The following TNC variants were observed in gnomAD, a reference collection of about 807,000 sequenced individuals.
TNC encodes tenascin C.
In TNC, 109 loss-of-function variants were observed where a neutral mutation model predicts 202.4. The observed-to-expected ratio is 0.54, with a 90% CI of 0.46 to 0.63. TNC has a LOEUF of 0.63. Ranked by LOEUF, TNC falls within the 30% of genes least tolerant of loss-of-function variation. The pLI, the probability that TNC is intolerant of heterozygous loss-of-function variation, is 0.00. For synonymous variants in TNC, 1,007 were observed against 1,089.7 expected (o/e 0.92, Z 1.50); for missense variants, 2,756 against 2,833.3 (o/e 0.97, Z 0.62).
chr9:115,035,526 AT>A (rs949246424), intron 21 of TNC, 192 bp from the exon 22 acceptor site: 2 of 559,376 alleles, frequency 3.6e-6, no homozygotes, highest in Non-Finnish European at 6.1e-6. Context: ...TCTATGGTTT[AT>A]CTCATCCTAA....
In TNC at chr9:115,086,162, G is replaced by A. The variant is rs776360535; in HGVS notation, c.1569C>T (p.Thr523=). 2.8e-5 allele frequency: 45 copies of A among 1,613,856 alleles called. No individual in the cohort carries two copies. Among genetic ancestry groups the A allele is most frequent in the South Asian group, 1.1e-4 (10 of 91,086 alleles). The change falls in exon 3 of 28, where the codon ACC becomes ACT. Residue 523 remains threonine, a synonymous_variant. Coordinates refer to ENST00000350763, the MANE Select transcript of TNC (RefSeq NM_002160.4). ...AGGAGAGTTCTGCACAGTCAGGGCC[G>A]GTGAAGCCGTCCTCACAGACGCACT... The part of the protein sequence containing the change: ...DGQCVCEDGF[T]GPDCAELSCP...
intron 1 of TNC, among the ~76,000 whole-genome samples, chr9:115,098,155 A>G (rs1219403479): frequency 6.6e-6 from 1 of 152,176 alleles, no homozygotes; most frequent in East Asian, 1.9e-4. Flanking sequence ...TCTTATTTCA[A>G]TTGCCTTGGT....
At chr9:115,051,170 T>C (rs1831618520) in intron 15 of TNC, among the ~76,000 whole-genome samples, 1 of 152,130 alleles carries the variant, frequency 6.6e-6, no homozygotes, top group African/African-American at 2.4e-5. Context: ...ATTGAAGTTT[T>C]TGCTGCCACC....
At position 115,048,398 on chromosome 9, in the gene TNC, G is replaced by A. The variant is rs745522825; in HGVS notation, c.4714C>T (p.Pro1572Ser). 15 of 1,613,938 alleles carry A rather than the reference G, an allele frequency of 9.3e-6. No individual in the cohort carries two copies. The highest frequency in any genetic ancestry group is 3.3e-5 in the South Asian group (3 of 91,082). The stretch of plus-strand genomic sequence containing the variant: ...GTTCCTGAAAGTGTGAATTCCTGGG[G>A]GTCCAGCAGCTTCCCAGAATCCACC... ...TVVDSGKLLDPQEFTLSGTQR... is the reference protein window; with the variant it reads ...TVVDSGKLLDSQEFTLSGTQR... The change falls in exon 16 of 28, where the codon CCC (proline) becomes TCC (serine). Residue 1572 changes from proline (P) to serine (S), a missense_variant. By Grantham distance (74) the Pro-to-Ser change is moderately conservative. Transcript: ENST00000350763.
At chr9:115,047,597 C>A (rs1831304008) in intron 16 of TNC, among the ~76,000 whole-genome samples, 1 of 152,120 alleles carries the variant, frequency 6.6e-6, no homozygotes, top group Admixed American at 6.5e-5. Context: ...TCAGTCTTTC[C>A]AAACTTATTT....
intron 15 of TNC, 31 bp from the exon 16 acceptor site, chr9:115,048,563 G>A: frequency 6.3e-7 from 1 of 1,594,220 alleles, no homozygotes; most frequent in Admixed American, 1.7e-5. Context: ...AAATAACTCA[G>A]GTTAGCAGCA....
chr9:115,054,800 C>G (rs960087127), intron 15 of TNC, among the ~76,000 whole-genome samples: 6 of 152,204 alleles, frequency 3.9e-5, no homozygotes, highest in Non-Finnish European at 7.3e-5. Flanking sequence ...TGAATATTCA[C>G]CACATGCACC....
At chr9:115,060,112 T>C (rs1401302217) in intron 13 of TNC, 110 bp from the exon 14 acceptor site, 6 of 1,255,968 alleles carry the variant, frequency 4.8e-6, no homozygotes, top group Non-Finnish European at 6.4e-6. Flanking sequence ...ATAATTTTTT[T>C]TTTTAATTCT....
chr9:115,070,215 G>C (rs1264976723), intron 10 of TNC, among the ~76,000 whole-genome samples: 1 of 152,088 alleles, frequency 6.6e-6, no homozygotes, highest in Non-Finnish European at 1.5e-5. Flanking sequence ...GGGTAGATCA[G>C]GATGGGGGTG....
Position 115,064,706 on chromosome 9 carries a change from G to T in TNC, c.3428C>A (p.Ser1143Tyr). 1 of 1,614,210 alleles carries T rather than the reference G, an allele frequency of 6.2e-7. No individual in the cohort carries two copies. The highest frequency in any genetic ancestry group is 8.5e-7 in the Non-Finnish European group (1 of 1,180,040). Residue 1143 changes from serine to tyrosine, a missense_variant, in exon 11 of 28, where the codon TCC becomes TAC. Transcript: ENST00000350763. ...GLKAATPYTV[S>Y]IYGVIQGYRT... ...ATAGCCCTGGATCACCCCATAGATG[G>T]AGACTGTATAAGGCGTAGCAGCCTT... is the stretch of plus-strand genomic sequence containing the variant.
rs1435946138 is a variant in TNC, at chr9:115,040,165, T to G, written c.5392+776A>C. 5.3e-5 allele frequency among the ~76,000 whole-genome samples: 8 copies of G among 152,226 alleles called. No individual in the cohort carries two copies. The South Asian group carries it at 1.4e-3, about 28-fold the overall frequency. ...AATCAGGTTACACTAGGAAAGGAAC[T>G]CTTTATTTTAGAAGGATAGAGAGTT... On this transcript the variant is annotated intron_variant, in intron 19 of 27. Coordinates refer to ENST00000350763, the MANE Select transcript of TNC (RefSeq NM_002160.4).
Position 115,020,559 on chromosome 9 carries a change from A to AG in TNC, c.*597_*598insC, listed in dbSNP as rs1828988549. On this transcript the variant is annotated 3_prime_UTR_variant, in exon 28 of 28. Coordinates refer to ENST00000350763, the MANE Select transcript of TNC (RefSeq NM_002160.4). Reference sequence around the variant, plus strand: ...TCAAAAGTACTTGTGCTTTTATTTAAAAAAAAAATACAATCAGGTACTGTC... The same window carrying AG: ...TCAAAAGTACTTGTGCTTTTATTTAAGAAAAAAAATACAATCAGGTACTGTC... 5 of 267,450 alleles carry AG rather than the reference A, an allele frequency of 1.9e-5. No homozygotes were observed. The highest frequency in any genetic ancestry group is 3.8e-5 in the Non-Finnish European group (5 of 132,680). 16.6% of individuals were successfully genotyped at this position (267,450 alleles called of 1,614,324 possible).
At chr9:115,021,713 T>G (rs1829085953) in intron 27 of TNC, among the ~76,000 whole-genome samples, 1 of 152,196 alleles carries the variant, frequency 6.6e-6, no homozygotes, top group Non-Finnish European at 1.5e-5. Context: ...TGGTATGGAA[T>G]AGCAGAACGA....
intron 13 of TNC, among the ~76,000 whole-genome samples, chr9:115,060,366 T>C (rs577548534): frequency 1.8e-4 from 27 of 152,334 alleles, no homozygotes; most frequent in Non-Finnish European, 3.8e-4. Flanking sequence ...TGGAGGCAAG[T>C]AGTCCTTGAT....
chr9:115,078,376 T>C (rs1262369148), intron 6 of TNC, among the ~76,000 whole-genome samples, 164 bp from the exon 7 acceptor site: 2 of 152,250 alleles, frequency 1.3e-5, no homozygotes, highest in East Asian at 3.9e-4. Context: ...TGATAAGCTA[T>C]AAGTAGGGAT....
chr9:115,089,114 C>G (rs1285014242), intron 2 of TNC, among the ~76,000 whole-genome samples: 1 of 152,078 alleles, frequency 6.6e-6, no homozygotes, highest in Non-Finnish European at 1.5e-5. Context: ...CTGCATTTTT[C>G]CAGGGAGTTG....
At chr9:115,050,733 T>C (rs1047335178) in intron 15 of TNC, among the ~76,000 whole-genome samples, 1 of 152,202 alleles carries the variant, frequency 6.6e-6, no homozygotes, top group Non-Finnish European at 1.5e-5. Context: ...TGTATAAAAT[T>C]CCTACTGGAT....
intron 1 of TNC, among the ~76,000 whole-genome samples, chr9:115,116,594 C>T (rs1475017740): frequency 6.6e-6 from 1 of 152,182 alleles, no homozygotes; most frequent in Admixed American, 6.5e-5. Flanking sequence ...AAGAGGCATT[C>T]ATTCTTCAAG....
chr9:115,064,978 G>A, intron 10 of TNC, 59 bp from the exon 11 acceptor site: 3 of 1,566,336 alleles, frequency 1.9e-6, no homozygotes, highest in Non-Finnish European at 8.6e-7. Flanking sequence ...TTGCTTCTGA[G>A]AACCTGGGAA....
Sources: allele counts gnomAD v4.1 joint callset (sites outside exome capture counted in the v4.1 genomes callset), GRCh38; gene constraint gnomAD v4.1.1; transcripts MANE v1.5; gene names NCBI Gene and HGNC (gene_info 2026-07-23, HGNC 2026-07-21).